The following KIF6 variants were observed in gnomAD, a reference collection of about 807,000 sequenced individuals.
The protein encoded by KIF6 is kinesin family member 6.
Under a neutral mutation model 112.7 loss-of-function variants are expected in KIF6, and 106 were observed. The ratio of observed to expected loss-of-function variants is 0.94; its 90% CI spans 0.80 to 1.11. The LOEUF (loss-of-function observed/expected upper bound fraction) is 1.11, where lower values mean the gene tolerates loss of function less well. Among genes scored for constraint, KIF6 ranks in the 50% least tolerant of loss-of-function variants. The pLI is 0.00. For synonymous variants in KIF6, 339 were observed against 339.9 expected, an observed-to-expected ratio of 1.00 and a Z score of 0.03; for missense variants, 929 against 964.0, an observed-to-expected ratio of 0.96 and a Z score of 0.48.
At chr6:39,463,550 C>T (rs796201346) in intron 13 of KIF6, among the ~76,000 whole-genome samples, 97 of 152,294 alleles carry the variant, frequency 6.4e-4, no homozygotes, top group African/African-American at 2.2e-3. Context: ...ATCTATTTAA[C>T]ATCATTGAAA....
At chr6:39,472,815 A>G (rs1400240686) in intron 13 of KIF6, among the ~76,000 whole-genome samples, 1 of 151,724 alleles carries the variant, frequency 6.6e-6, no homozygotes, top group East Asian at 1.9e-4. Context: ...ATGCAACTAC[A>G]GTGTTAATGT....
chr6:39,536,178 T>C (rs1271921508), intron 13 of KIF6, among the ~76,000 whole-genome samples: 1 of 150,588 alleles, frequency 6.6e-6, no homozygotes, highest in Admixed American at 6.6e-5. Context: ...GCAAACACAT[T>C]CAAAAGCTAG....
intron 5 of KIF6, among the ~76,000 whole-genome samples, chr6:39,618,285 G>A (rs562596548): frequency 1.3e-5 from 2 of 152,254 alleles, no homozygotes; most frequent in South Asian, 4.2e-4. Flanking sequence ...TTTCTTTGTA[G>A]TTTTATCTAA....
chr6:39,659,078 T>C (rs941377291), intron 3 of KIF6, among the ~76,000 whole-genome samples: 4 of 152,182 alleles, frequency 2.6e-5, no homozygotes, highest in Admixed American at 2.0e-4. Flanking sequence ...CAAGAAATCT[T>C]CCCAATATCT....
At chr6:39,493,856 G>A (rs1488703486) in intron 13 of KIF6, among the ~76,000 whole-genome samples, 1 of 152,202 alleles carries the variant, frequency 6.6e-6, no homozygotes, top group African/African-American at 2.4e-5. Flanking sequence ...GTAAGATGGA[G>A]TTCAACTAGG....
At chr6:39,387,913 G>A (rs1767559710) in intron 15 of KIF6, among the ~76,000 whole-genome samples, 1 of 152,206 alleles carries the variant, frequency 6.6e-6, no homozygotes, top group Non-Finnish European at 1.5e-5. Flanking sequence ...GTCATCAAAA[G>A]CTTTTTAATC....
In KIF6 at chr6:39,639,634, T is replaced by C. The variant is rs1784804467; in HGVS notation, c.375A>G (p.Ser125=). The part of the protein sequence containing the change: ...SDRGIIPRTL[S]YIFEQLQKDS... ...CCTTTTGTAACTGTTCAAAAATGTA[T>C]GACAGTGTCCTTGGGATAATGCCTC... is the stretch of plus-strand genomic sequence containing the variant. Residue 125 remains serine (S), a synonymous_variant, in exon 4 of 23, where the codon TCA becomes TCG. Transcript: ENST00000287152. 1.9e-6 allele frequency: 3 copies of C among 1,596,460 alleles called. No homozygotes were observed. Among genetic ancestry groups the C allele is most frequent in the Non-Finnish European group, 1.7e-6 (2 of 1,173,818 alleles).
intron 14 of KIF6, among the ~76,000 whole-genome samples, chr6:39,430,734 C>A (rs1389160851): frequency 6.6e-6 from 1 of 152,178 alleles, no homozygotes; most frequent in Admixed American, 6.5e-5. Flanking sequence ...TTTCCCCCCT[C>A]CTTTGCAACA....
intron 4 of KIF6, among the ~76,000 whole-genome samples, chr6:39,635,940 T>C (rs1004813334): frequency 1.3e-5 from 2 of 152,066 alleles, no homozygotes; most frequent in African/African-American, 2.4e-5. Context: ...TGTCAGAGTG[T>C]ATACTAACAG....
intron 13 of KIF6, among the ~76,000 whole-genome samples, chr6:39,484,878 C>G (rs1007056644): frequency 1.3e-5 from 2 of 152,162 alleles, no homozygotes; most frequent in African/African-American, 4.8e-5. Flanking sequence ...ATCTCTGCCT[C>G]TCCTCAATCT....
chr6:39,606,148 T>A (rs9471134), intron 6 of KIF6, among the ~76,000 whole-genome samples: 5 of 151,712 alleles, frequency 3.3e-5, no homozygotes, highest in African/African-American at 9.7e-5. Context: ...CTCCTATATC[T>A]TCTCTTCCTC....
chr6:39,376,715 G>A (rs77576837), intron 16 of KIF6, among the ~76,000 whole-genome samples: 2,717 of 152,312 alleles, frequency 0.018, 89 homozygotes, highest in African/African-American at 0.062. Flanking sequence ...AGAGGGATAT[G>A]CAGAGTTCTG....
At chr6:39,432,890 A>G (rs1771258876) in intron 13 of KIF6, among the ~76,000 whole-genome samples, 1 of 152,094 alleles carries the variant, frequency 6.6e-6, no homozygotes, top group Non-Finnish European at 1.5e-5. Flanking sequence ...CAGAGACCAC[A>G]CTGGAGCCTG....
At position 39,426,511 on chromosome 6, in the gene KIF6, A is replaced by G. The variant is rs112537187; in HGVS notation, c.1754+4542T>C. Among the ~76,000 whole-genome samples, 1,050 of 152,260 alleles carry G rather than the reference A, an allele frequency of 6.9e-3. 5 individuals carry two copies. Among genetic ancestry groups the G allele is most frequent in the African/African-American group, 0.024 (996 of 41,554 alleles). ...ACACCTGTAATCCCAGTACTTTGGA[A>G]GGCCCAGGGAGGGGGGAGGATCATT... On this transcript the variant is annotated intron_variant, in intron 14 of 22. Transcript: ENST00000287152.
At chr6:39,567,567 C>T (rs1464339236) in intron 10 of KIF6, among the ~76,000 whole-genome samples, 1 of 152,140 alleles carries the variant, frequency 6.6e-6, no homozygotes, top group African/African-American at 2.4e-5. Context: ...ATCCACAAGG[C>T]CTAGCATCCA....
chr6:39,404,050 A>G (rs1046931579), intron 15 of KIF6, among the ~76,000 whole-genome samples: 3 of 151,988 alleles, frequency 2.0e-5, no homozygotes, highest in African/African-American at 7.3e-5. Context: ...ATATTTATGT[A>G]TTTTTTATAT....
chr6:39,525,320 C>G (rs1777653178), intron 13 of KIF6, among the ~76,000 whole-genome samples: 1 of 152,120 alleles, frequency 6.6e-6, no homozygotes. Context: ...TCCAAAAGTG[C>G]TAGGTTTACG....
intron 3 of KIF6, among the ~76,000 whole-genome samples, chr6:39,655,299 C>T (rs1561902231): frequency 6.6e-6 from 1 of 152,000 alleles, no homozygotes; most frequent in East Asian, 1.9e-4. Flanking sequence ...CCTTTGACTA[C>T]TTTTGTAGTA....
intron 13 of KIF6, among the ~76,000 whole-genome samples, chr6:39,532,315 A>G (rs962384705): frequency 1.3e-5 from 2 of 152,238 alleles, no homozygotes; most frequent in African/African-American, 4.8e-5. Flanking sequence ...GATGTATATA[A>G]GGACTGTGTA....
Sources: allele counts gnomAD v4.1 joint callset (sites outside exome capture counted in the v4.1 genomes callset), GRCh38; gene constraint gnomAD v4.1.1; transcripts MANE v1.5; gene names NCBI Gene and HGNC (gene_info 2026-07-23, HGNC 2026-07-21).